Variants in LSAMP observed in about 807,000 individuals in gnomAD.
The protein encoded by LSAMP is limbic system associated membrane protein, also known as limbic system-associated membrane protein.
LSAMP carries 7 observed loss-of-function variants against 38.6 expected under a neutral mutation model. The observed-to-expected ratio is 0.18, with a 90% CI of 0.10 to 0.34. The LOEUF (loss-of-function observed/expected upper bound fraction) is 0.34, where lower values mean the gene tolerates loss of function less well. Among genes scored for constraint, LSAMP ranks in the 10% least tolerant of loss-of-function variants. LSAMP has a pLI of 1.00. For synonymous variants in LSAMP, 154 were observed against 166.8 expected (o/e 0.92, Z 0.59); for missense variants, 313 against 420.0 (o/e 0.75, Z 2.23).
chr3:115,824,473 C>T (rs562819531), intron 6 of LSAMP, among the ~76,000 whole-genome samples: 20 of 152,056 alleles, frequency 1.3e-4, no homozygotes, highest in Non-Finnish European at 2.2e-4. Context: ...GAGGCCAAGA[C>T]GTGCAGATCA....
At chr3:116,191,535 C>A (rs1323494167) in intron 1 of LSAMP, among the ~76,000 whole-genome samples, 1 of 152,046 alleles carries the variant, frequency 6.6e-6, no homozygotes, top group Non-Finnish European at 1.5e-5. Flanking sequence ...GGGCATGAGA[C>A]AGTTTAGGGC....
intron 1 of LSAMP, among the ~76,000 whole-genome samples, chr3:116,273,038 A>G (rs1670229004): frequency 6.6e-6 from 1 of 152,106 alleles, no homozygotes; most frequent in African/African-American, 2.4e-5. Flanking sequence ...TTCTTTGAAC[A>G]CTACTTAGAA....
At chr3:116,082,808 T>C (rs1707900820) in intron 2 of LSAMP, among the ~76,000 whole-genome samples, 1 of 152,062 alleles carries the variant, frequency 6.6e-6, no homozygotes, top group African/African-American at 2.4e-5. Flanking sequence ...ATACCACAGG[T>C]TCTCACTTAT....
chr3:115,864,088 G>A (rs932268471), intron 3 of LSAMP, among the ~76,000 whole-genome samples: 7 of 152,094 alleles, frequency 4.6e-5, no homozygotes, highest in African/African-American at 1.4e-4. Context: ...GTAACCACAG[G>A]TCCAGTCCAC....
At chr3:115,989,047 C>A (rs1447247234) in intron 3 of LSAMP, among the ~76,000 whole-genome samples, 2 of 152,064 alleles carry the variant, frequency 1.3e-5, no homozygotes, top group Non-Finnish European at 2.9e-5. Context: ...TCTTAAAGGG[C>A]ATTCAATTTT....
intron 3 of LSAMP, among the ~76,000 whole-genome samples, chr3:115,925,571 T>G (rs1402894440): frequency 6.6e-6 from 1 of 152,178 alleles, no homozygotes; most frequent in African/African-American, 2.4e-5. Flanking sequence ...TATTGCAAAC[T>G]GTATAACAAT....
intron 1 of LSAMP, among the ~76,000 whole-genome samples, chr3:116,134,753 A>T (rs1170623467): frequency 6.6e-6 from 1 of 152,174 alleles, no homozygotes; most frequent in Admixed American, 6.6e-5. Context: ...TTACTTTATA[A>T]CAGTGCATAT....
intron 1 of LSAMP, among the ~76,000 whole-genome samples, chr3:116,369,667 C>CA (rs1377956642): frequency 6.6e-6 from 1 of 152,084 alleles, no homozygotes; most frequent in Non-Finnish European, 1.5e-5. Context: ...ACGTCTCTCC[C>CA]AAAAAATCCA....
intron 1 of LSAMP, among the ~76,000 whole-genome samples, chr3:116,174,388 A>C: frequency 6.6e-6 from 1 of 151,978 alleles, no homozygotes; most frequent in Admixed American, 6.6e-5. Context: ...TGGCCTACCA[A>C]ACACCACATT....
At chr3:116,226,599 G>T (rs1559790751) in intron 1 of LSAMP, among the ~76,000 whole-genome samples, 3 of 152,160 alleles carry the variant, frequency 2.0e-5, no homozygotes, top group South Asian at 2.1e-4. Context: ...ATTTAACATT[G>T]GTTGTTCATC....
At chr3:116,276,947 G>A (rs1230247538) in intron 1 of LSAMP, among the ~76,000 whole-genome samples, 1 of 152,130 alleles carries the variant, frequency 6.6e-6, no homozygotes, top group African/African-American at 2.4e-5. Context: ...CGTTTCTCAG[G>A]TTTGTTGACA....
At chr3:116,068,911 G>T (rs1309053880) in intron 2 of LSAMP, among the ~76,000 whole-genome samples, 1 of 152,200 alleles carries the variant, frequency 6.6e-6, no homozygotes, top group African/African-American at 2.4e-5. Flanking sequence ...GGAATGTGAT[G>T]TGTTTTAAGA....
chr3:115,929,078 A>C (rs1166194709), intron 3 of LSAMP, among the ~76,000 whole-genome samples: 1 of 148,492 alleles, frequency 6.7e-6, no homozygotes, highest in Non-Finnish European at 1.5e-5. Flanking sequence ...CCTAAATATT[A>C]CTAGATAGAG....
At chr3:116,354,301 C>T (rs2048189067) in intron 1 of LSAMP, among the ~76,000 whole-genome samples, 1 of 152,144 alleles carries the variant, frequency 6.6e-6, no homozygotes, top group Non-Finnish European at 1.5e-5. Flanking sequence ...TCTATGCAAA[C>T]TCCACACCTT....
intron 1 of LSAMP, among the ~76,000 whole-genome samples, chr3:116,225,088 G>C (rs2107620847): frequency 6.6e-6 from 1 of 152,286 alleles, no homozygotes; most frequent in South Asian, 2.1e-4. Context: ...TTTGAATATG[G>C]ACAATGTGTA....
chr3:115,815,497 A>C (rs1228409051), intron 6 of LSAMP, among the ~76,000 whole-genome samples: 1 of 152,232 alleles, frequency 6.6e-6, no homozygotes, highest in Non-Finnish European at 1.5e-5. Context: ...GATTTTGGTA[A>C]TATTCTCACA....
chr3:116,182,990 C>T (rs543379760), intron 1 of LSAMP, among the ~76,000 whole-genome samples: 4 of 151,772 alleles, frequency 2.6e-5, no homozygotes, highest in Non-Finnish European at 5.9e-5. Flanking sequence ...CTGTTTACAC[C>T]TGCATAACAT....
intron 2 of LSAMP, among the ~76,000 whole-genome samples, chr3:116,024,073 A>C (rs1940715274): frequency 6.6e-6 from 1 of 152,026 alleles, no homozygotes; most frequent in Admixed American, 6.6e-5. Context: ...CTGGATCCAC[A>C]ATGGGTGAAA....
At chr3:116,017,353 C>A (rs1339611734) in intron 3 of LSAMP, among the ~76,000 whole-genome samples, 1 of 151,972 alleles carries the variant, frequency 6.6e-6, no homozygotes, top group Non-Finnish European at 1.5e-5. Flanking sequence ...TGAATAGAAT[C>A]TTTCTTCCTT....
Sources: allele counts gnomAD v4.1 joint callset (sites outside exome capture counted in the v4.1 genomes callset), GRCh38; gene constraint gnomAD v4.1.1; transcripts MANE v1.5; gene names NCBI Gene and HGNC (gene_info 2026-07-23, HGNC 2026-07-21).